RSRC1: variants seen among roughly 807,000 people sequenced by gnomAD.
RSRC1 encodes arginine and serine rich coiled-coil 1.
RSRC1 carries 39 observed loss-of-function variants against 49.1 expected under a neutral mutation model. The ratio of observed to expected loss-of-function variants is 0.79; its 90% CI spans 0.61 to 1.04. The LOEUF (loss-of-function observed/expected upper bound fraction) is 1.04. Among genes scored for constraint, RSRC1 ranks in the 50% least tolerant of loss-of-function variants. The pLI is 0.00. For synonymous variants in RSRC1, 143 were observed against 130.8 expected (o/e 1.09, Z -0.63); for missense variants, 388 against 402.4 (o/e 0.96, Z 0.31).
chr3:158,316,314 T>A (rs1288255434), intron 5 of RSRC1, among the ~76,000 whole-genome samples: 1 of 152,174 alleles, frequency 6.6e-6, no homozygotes, highest in African/African-American at 2.4e-5. Context: ...AATACCAATA[T>A]GGAAAGAGTT....
intron 4 of RSRC1, among the ~76,000 whole-genome samples, chr3:158,230,529 A>C (rs1225066308): frequency 7.5e-6 from 1 of 133,778 alleles, no homozygotes; most frequent in Non-Finnish European, 1.6e-5. Flanking sequence ...GTGAAGCAAC[A>C]GAGTGAAGTT....
At chr3:158,456,869 A>G (rs911603376) in intron 6 of RSRC1, among the ~76,000 whole-genome samples, 10 of 152,300 alleles carry the variant, frequency 6.6e-5, no homozygotes, top group African/African-American at 2.4e-4. Flanking sequence ...AAATTTTTTT[A>G]AATTCATACA....
chr3:158,177,399 C>T (rs1373491119), intron 3 of RSRC1, among the ~76,000 whole-genome samples: 1 of 152,138 alleles, frequency 6.6e-6, no homozygotes, highest in African/African-American at 2.4e-5. Flanking sequence ...ACCCAAATGC[C>T]CATCAGTGAT....
intron 6 of RSRC1, 105 bp downstream of exon 6, chr3:158,355,013 A>T: frequency 2.9e-6 from 2 of 680,442 alleles, no homozygotes. Flanking sequence ...ATTTTTATAT[A>T]TCCTCACAAA....
chr3:158,351,313 A>T (rs556725220), intron 5 of RSRC1, among the ~76,000 whole-genome samples: 1 of 152,358 alleles, frequency 6.6e-6, no homozygotes, highest in East Asian at 1.9e-4. Flanking sequence ...CATTCAACTT[A>T]TTCACCAGTC....
intron 4 of RSRC1, among the ~76,000 whole-genome samples, chr3:158,218,236 A>G (rs559501627): frequency 4.6e-5 from 7 of 151,536 alleles, no homozygotes; most frequent in South Asian, 2.1e-4. Flanking sequence ...TGAAAAGATC[A>G]CTCCAGCTGC....
intron 4 of RSRC1, among the ~76,000 whole-genome samples, chr3:158,229,250 A>T (rs1722771304): frequency 6.7e-6 from 1 of 148,178 alleles, no homozygotes; most frequent in Admixed American, 6.8e-5. Flanking sequence ...ATGTATATAA[A>T]CATACATGTA....
At chr3:158,483,727 A>T (rs915929707) in intron 7 of RSRC1, among the ~76,000 whole-genome samples, 9 of 152,070 alleles carry the variant, frequency 5.9e-5, no homozygotes. Flanking sequence ...TTTAAAAAGT[A>T]AGTTTATATT....
chr3:158,411,249 G>T (rs778584101), intron 6 of RSRC1, among the ~76,000 whole-genome samples: 8 of 152,084 alleles, frequency 5.3e-5, no homozygotes, highest in African/African-American at 1.9e-4. Flanking sequence ...GAATAAGGCT[G>T]CTTTGAACAT....
At chr3:158,474,707 T>C (rs1366948293) in intron 7 of RSRC1, among the ~76,000 whole-genome samples, 1 of 152,186 alleles carries the variant, frequency 6.6e-6, no homozygotes, top group African/African-American at 2.4e-5. Context: ...ATTGTAGCCA[T>C]TCAGTCATAT....
intron 4 of RSRC1, among the ~76,000 whole-genome samples, chr3:158,216,560 C>T (rs756043036): frequency 1.3e-5 from 2 of 151,402 alleles, no homozygotes; most frequent in South Asian, 2.1e-4. Flanking sequence ...GAGAGTAATC[C>T]GGGATAATAT....
intron 1 of RSRC1, among the ~76,000 whole-genome samples, chr3:158,112,789 C>A (rs1714497625): frequency 6.6e-6 from 1 of 152,106 alleles, no homozygotes; most frequent in African/African-American, 2.4e-5. Flanking sequence ...TCCTGATGCT[C>A]TCCCTTCCCC....
chr3:158,288,949 A>T (rs1726752820), intron 4 of RSRC1, among the ~76,000 whole-genome samples: 1 of 148,414 alleles, frequency 6.7e-6, no homozygotes, highest in Non-Finnish European at 1.5e-5. Context: ...AGTTTTTAAC[A>T]TCTAAGGCAT....
intron 6 of RSRC1, among the ~76,000 whole-genome samples, chr3:158,394,488 C>G (rs1210882122): frequency 6.6e-6 from 1 of 152,032 alleles, no homozygotes; most frequent in Non-Finnish European, 1.5e-5. Context: ...GGAGTTTCAG[C>G]AAACTTCCAG....
chr3:158,203,219 C>A lies in RSRC1; in HGVS notation c.468C>A (p.Asp156Glu). ...KREKEKDKGKDKELHNIKRGE... is the reference protein window; with the variant it reads ...KREKEKDKGKEKELHNIKRGE... ...AAAAGGAGAAGGATAAAGGGAAGGA[C>A]AAGGAATTACATAACATCAAACGTG... is the stretch of plus-strand genomic sequence containing the variant. The change falls in exon 4 of 10, where the codon GAC (aspartate) becomes GAA (glutamate). Residue 156 changes from aspartate to glutamate, a missense_variant. Asp to Glu is a conservative substitution (Grantham distance 45, BLOSUM62 2). Transcript: ENST00000611884. The A allele has an allele frequency of 6.2e-7, 1 of 1,600,112 alleles. No individual in the cohort carries two copies. The highest frequency in any genetic ancestry group is 1.1e-5 in the South Asian group (1 of 88,678).
chr3:158,259,181 A>T (rs1003993027), intron 4 of RSRC1, among the ~76,000 whole-genome samples: 25 of 152,158 alleles, frequency 1.6e-4, no homozygotes, highest in African/African-American at 6.0e-4. Flanking sequence ...TAGCCTTCAC[A>T]GTCTGGACTT....
chr3:158,155,485 A>T (rs1359473909), intron 3 of RSRC1, among the ~76,000 whole-genome samples: 1 of 152,010 alleles, frequency 6.6e-6, no homozygotes, highest in African/African-American at 2.4e-5. Context: ...CCCAGGCTCT[A>T]GGGCAGTGGC....
chr3:158,445,931 G>C (rs1215679475), intron 6 of RSRC1, among the ~76,000 whole-genome samples: 1 of 151,974 alleles, frequency 6.6e-6, no homozygotes, highest in East Asian at 1.9e-4. Context: ...AACAGTTTGA[G>C]ATTTTTTTAA....
intron 5 of RSRC1, among the ~76,000 whole-genome samples, chr3:158,337,443 G>A (rs1026813145): frequency 6.6e-6 from 1 of 152,172 alleles, no homozygotes; most frequent in Admixed American, 6.5e-5. Context: ...CTGAAATGCT[G>A]TGTGGGCGCA....
Sources: allele counts gnomAD v4.1 joint callset (sites outside exome capture counted in the v4.1 genomes callset), GRCh38; gene constraint gnomAD v4.1.1; transcripts MANE v1.5; gene names NCBI Gene and HGNC (gene_info 2026-07-23, HGNC 2026-07-21).